TMEM232: variants seen among roughly 807,000 people sequenced by gnomAD.
The protein encoded by TMEM232 is transmembrane protein 232.
In TMEM232, 80 loss-of-function variants were observed where a neutral mutation model predicts 78.8. The ratio of observed to expected loss-of-function variants is 1.01; its 90% CI spans 0.85 to 1.22. The LOEUF is 1.22. Ranked by LOEUF, TMEM232 falls within the 50% of genes most tolerant of loss-of-function variation. The pLI, the probability that TMEM232 is intolerant of heterozygous loss-of-function variation, is 0.00. For missense variants in TMEM232, 881 were observed against 742.2 expected, an observed-to-expected ratio of 1.19 and a Z score of -2.17; for synonymous variants, 297 against 254.3, an observed-to-expected ratio of 1.17 and a Z score of -1.60.
At chr5:110,503,109 G>GCTT (rs10644923) in intron 12 of TMEM232, among the ~76,000 whole-genome samples, 19,787 of 152,032 alleles carry the variant, frequency 0.13, 3,179 homozygotes, top group African/African-American at 0.38. Context: ...GTTATGTTTA[G>GCTT]CTTATTATTT....
rs117855323 is a variant in TMEM232 at position 110,612,768 on chromosome 5, G to T, written c.902+5661C>A. ...GATATAATTTTACGTCATACTGCTC[G>T]AATGAAATGCCATACTGCCTTTCTC... On this transcript the variant is annotated intron_variant, in intron 8 of 13. Transcript: ENST00000455884. Among the ~76,000 whole-genome samples the T allele has an allele frequency of 2.6e-5, 4 of 152,208 alleles. No homozygotes were observed. The South Asian group carries it at 8.3e-4, about 32-fold the overall frequency.
At chr5:110,411,687 G>A (rs1258095240) in intron 2 of TMEM232, among the ~76,000 whole-genome samples, 2 of 152,224 alleles carry the variant, frequency 1.3e-5, no homozygotes, top group Non-Finnish European at 1.5e-5. Flanking sequence ...GAATCATACA[G>A]TATTTGTCTT....
At chr5:110,703,789 A>C (rs1006785343) in intron 1 of TMEM232, among the ~76,000 whole-genome samples, 1 of 152,080 alleles carries the variant, frequency 6.6e-6, no homozygotes, top group Non-Finnish European at 1.5e-5. Context: ...CCATTTTCCA[A>C]TATTTTTATT....
chr5:110,538,815 G>GTT (rs113073695), intron 11 of TMEM232, among the ~76,000 whole-genome samples: 13 of 146,760 alleles, frequency 8.9e-5, no homozygotes, highest in African/African-American at 3.0e-4. Flanking sequence ...AAATTCAGTT[G>GTT]TTTTTTTTTT....
At chr5:110,630,177 C>A (rs569324161) in intron 5 of TMEM232, among the ~76,000 whole-genome samples, 1 of 152,266 alleles carries the variant, frequency 6.6e-6, no homozygotes, top group East Asian at 1.9e-4. Context: ...TTATTTCCAA[C>A]AGATAGTTAT....
chr5:110,501,433 G>A (rs1246120294), intron 12 of TMEM232, among the ~76,000 whole-genome samples: 1 of 151,930 alleles, frequency 6.6e-6, no homozygotes, highest in African/African-American at 2.4e-5. Flanking sequence ...CCCTTAAGAA[G>A]AAATTAAGTT....
intron 12 of TMEM232, among the ~76,000 whole-genome samples, chr5:110,486,491 G>A (rs1561556169): frequency 1.3e-5 from 2 of 152,134 alleles, no homozygotes; most frequent in Non-Finnish European, 2.9e-5. Flanking sequence ...GTTGATTTTT[G>A]TATAAGGTGA....
rs1580827350 is a variant in TMEM232, at chr5:110,473,652, A to C, written c.1704-48736T>G. ...ATCTCACTACTGGGTATATATTCAA[A>C]GGAAATCATTATGTCAAATAGATAT... On this transcript the variant is annotated intron_variant, in intron 12 of 13. Transcript: ENST00000455884. 2.0e-5 allele frequency among the ~76,000 whole-genome samples: 3 copies of C among 151,538 alleles called. No homozygotes were observed. The South Asian group carries it at 6.2e-4, about 31-fold the overall frequency.
chr5:110,459,030 A>C (rs544617901), intron 12 of TMEM232, among the ~76,000 whole-genome samples: 1 of 152,288 alleles, frequency 6.6e-6, no homozygotes, highest in African/African-American at 2.4e-5. Context: ...TGGGGGGATA[A>C]CCTTCAGGCA....
intron 12 of TMEM232, among the ~76,000 whole-genome samples, chr5:110,515,510 A>C (rs2149483940): frequency 6.6e-6 from 1 of 152,324 alleles, no homozygotes; most frequent in South Asian, 2.1e-4. Flanking sequence ...TCTTATAAGA[A>C]GGTAGAGTAG....
chr5:110,697,089 C>A (rs1289530064), intron 1 of TMEM232, among the ~76,000 whole-genome samples: 1 of 152,082 alleles, frequency 6.6e-6, no homozygotes, highest in East Asian at 1.9e-4. Context: ...GGTACTGGTA[C>A]CAAAACAGAG....
At chr5:110,456,163 T>G (rs1215973583) in intron 12 of TMEM232, among the ~76,000 whole-genome samples, 1 of 152,154 alleles carries the variant, frequency 6.6e-6, no homozygotes, top group Non-Finnish European at 1.5e-5. Flanking sequence ...TACAGAAGAA[T>G]AATCTACAAA....
chr5:110,632,452 C>T (rs968492820), intron 5 of TMEM232, among the ~76,000 whole-genome samples: 5 of 151,634 alleles, frequency 3.3e-5, no homozygotes, highest in Middle Eastern at 3.4e-3. Context: ...AATTATGACA[C>T]TAAAGAAACA....
At chr5:110,536,105 T>G (rs887876201) in intron 11 of TMEM232, among the ~76,000 whole-genome samples, 5 of 152,140 alleles carry the variant, frequency 3.3e-5, no homozygotes, top group African/African-American at 1.2e-4. Flanking sequence ...AGGGGAGTCT[T>G]TTGTTCTCTC....
intron 1 of TMEM232, among the ~76,000 whole-genome samples, chr5:110,696,446 A>T (rs1221467317): frequency 7.9e-5 from 12 of 152,152 alleles, no homozygotes; most frequent in African/African-American, 2.9e-4. Flanking sequence ...TTGGAAGTTC[A>T]GGCCAGGGCA....
Position 110,472,649 on chromosome 5 carries a change from C to G in TMEM232, c.1704-47733G>C, listed in dbSNP as rs193035469. Among the ~76,000 whole-genome samples, 1,203 of 151,936 alleles carry G rather than the reference C, an allele frequency of 7.9e-3. 6 individuals are homozygous for G. The highest frequency in any genetic ancestry group is 0.034 in the Middle Eastern group (10 of 294). ...ATAAACACAACAACACAGCTGAAGGCATCTCACTACCTAACTTCAAAATAT... is the reference window on the plus strand; with the variant it reads ...ATAAACACAACAACACAGCTGAAGGGATCTCACTACCTAACTTCAAAATAT... On this transcript the variant is annotated intron_variant, in intron 12 of 13. Coordinates refer to ENST00000455884, the MANE Select transcript of TMEM232 (RefSeq NM_001039763.4).
chr5:110,633,501 C>T (rs1785410835), intron 5 of TMEM232, among the ~76,000 whole-genome samples: 1 of 152,052 alleles, frequency 6.6e-6, no homozygotes, highest in Non-Finnish European at 1.5e-5. Context: ...GGAAGGGCCA[C>T]GTGTTGAGGG....
chr5:110,519,809 G>T (rs1769230389), intron 12 of TMEM232, among the ~76,000 whole-genome samples: 1 of 150,920 alleles, frequency 6.6e-6, no homozygotes. Flanking sequence ...ATGAAATCCT[G>T]TCATTTGCAA....
In TMEM232 at chr5:110,726,619, T is replaced by C. The variant is rs1442906569; in HGVS notation, c.-13+8A>G. ...AATCATCTGAAGCAGGACCTCTTAA[T>C]CACTCACCGCTGCGCTCTGAGCCGC... On this transcript the variant is annotated splice_region_variant and intron_variant, in intron 1 of 13. Coordinates refer to ENST00000455884, the MANE Select transcript of TMEM232 (RefSeq NM_001039763.4). 2 of 152,196 alleles carry C rather than the reference T, an allele frequency of 1.3e-5. No individual in the cohort carries two copies. Among genetic ancestry groups the C allele is most frequent in the African/African-American group, 4.8e-5 (2 of 41,432 alleles). The allele number at this position is 152,196 out of a possible 1,614,324, so 9.4% of individuals were successfully genotyped here.
Sources: gnomAD v4.1 joint callset for allele counts (sites outside exome capture counted in the v4.1 genomes callset) on GRCh38, gnomAD v4.1.1 for gene constraint, MANE v1.5 for transcripts, NCBI Gene and HGNC (gene_info 2026-07-23, HGNC 2026-07-21) for gene names.